Variants in FRZB observed in about 807,000 individuals in gnomAD.
FRZB encodes secreted frizzled-related protein 3.
FRZB carries 34 observed loss-of-function variants against 32.5 expected under a neutral mutation model. The ratio of observed to expected loss-of-function variants is 1.05; its 90% CI spans 0.80 to 1.39. FRZB has a LOEUF of 1.39. Among genes scored for constraint, FRZB ranks in the 40% most tolerant of loss-of-function variants. FRZB has a pLI of 0.00. For missense variants in FRZB, 423 were observed against 424.8 expected (o/e 1.00, Z 0.04); for synonymous variants, 170 against 159.2 (o/e 1.07, Z -0.51).
chr2:182,860,525 G>A (rs149817904), intron 1 of FRZB, among the ~76,000 whole-genome samples: 1 of 152,134 alleles, frequency 6.6e-6, no homozygotes, highest in African/African-American at 2.4e-5. Flanking sequence ...AGACCAAACA[G>A]CATGTGATAC....
At chr2:182,850,056 T>C (rs1431801470) in intron 2 of FRZB, among the ~76,000 whole-genome samples, 1 of 152,250 alleles carries the variant, frequency 6.6e-6, no homozygotes, top group Non-Finnish European at 1.5e-5. Context: ...TTTCATTCCA[T>C]GTCATTGGCA....
intron 3 of FRZB, among the ~76,000 whole-genome samples, chr2:182,840,317 G>A (rs1405348558): frequency 6.6e-6 from 1 of 152,040 alleles, no homozygotes; most frequent in Non-Finnish European, 1.5e-5. Context: ...GTGCTTCATA[G>A]CATCCATCAA....
At chr2:182,851,347 A>G (rs1695708242) in intron 2 of FRZB, among the ~76,000 whole-genome samples, 1 of 152,208 alleles carries the variant, frequency 6.6e-6, no homozygotes, top group Non-Finnish European at 1.5e-5. Flanking sequence ...TACAAAAGAG[A>G]AAGTTTTAAT....
intron 2 of FRZB, among the ~76,000 whole-genome samples, chr2:182,854,854 G>T (rs956814781): frequency 1.3e-5 from 2 of 152,134 alleles, no homozygotes; most frequent in Non-Finnish European, 2.9e-5. Context: ...CCAAAACGGG[G>T]GAATTCCAAG....
At chr2:182,865,153 G>A (rs1184333497) in intron 1 of FRZB, among the ~76,000 whole-genome samples, 1 of 152,010 alleles carries the variant, frequency 6.6e-6, no homozygotes, top group Non-Finnish European at 1.5e-5. Flanking sequence ...GACTGTGGTT[G>A]GTGCACACAC....
At chr2:182,847,593 G>C (rs1219963511) in intron 2 of FRZB, among the ~76,000 whole-genome samples, 3 of 152,184 alleles carry the variant, frequency 2.0e-5, no homozygotes, top group Non-Finnish European at 4.4e-5. Context: ...AGGAAAAGGA[G>C]AGAAAGGTAC....
chr2:182,837,837 A>C (rs942273153), intron 5 of FRZB, 111 bp downstream of exon 5: 10 of 768,200 alleles, frequency 1.3e-5, no homozygotes, highest in Non-Finnish European at 6.5e-6. Flanking sequence ...ACTAAATTTT[A>C]ATATTTCTCA....
chr2:182,846,610 G>A (rs1695643478), intron 2 of FRZB, among the ~76,000 whole-genome samples: 1 of 152,150 alleles, frequency 6.6e-6, no homozygotes, highest in African/African-American at 2.4e-5. Flanking sequence ...CAGATGCACT[G>A]TAAGTCTCAT....
At chr2:182,839,252 C>A (rs899283352) in intron 3 of FRZB, among the ~76,000 whole-genome samples, 3 of 151,966 alleles carry the variant, frequency 2.0e-5, no homozygotes, top group African/African-American at 7.2e-5. Flanking sequence ...CTTTTATATT[C>A]TCCTTTAGGT....
intron 5 of FRZB, 96 bp from the exon 6 acceptor site, chr2:182,835,061 C>A: frequency 1.2e-6 from 1 of 867,664 alleles, no homozygotes; most frequent in South Asian, 1.5e-5. Context: ...AAGTTCAGAT[C>A]TCTGAAGCAT....
chr2:182,836,695 C>T (rs868089348), intron 5 of FRZB, among the ~76,000 whole-genome samples: 1 of 151,948 alleles, frequency 6.6e-6, no homozygotes, highest in Non-Finnish European at 1.5e-5. Context: ...AATTCCAGTT[C>T]TGCATTAGCA....
At chr2:182,853,271 GT>G (rs1259649848) in intron 2 of FRZB, among the ~76,000 whole-genome samples, 1 of 152,226 alleles carries the variant, frequency 6.6e-6, no homozygotes, top group East Asian at 1.9e-4. Flanking sequence ...ATGTTGAACT[GT>G]TTTTTGTATA....
intron 5 of FRZB, among the ~76,000 whole-genome samples, chr2:182,835,400 C>G (rs1695512615): frequency 6.6e-6 from 1 of 151,270 alleles, no homozygotes; most frequent in Non-Finnish European, 1.5e-5. Flanking sequence ...CTTTTAAAGT[C>G]TATGTGATTT....
intron 2 of FRZB, among the ~76,000 whole-genome samples, chr2:182,853,830 T>C (rs1695736096): frequency 6.6e-6 from 1 of 152,158 alleles, no homozygotes; most frequent in Non-Finnish European, 1.5e-5. Context: ...GAAAGTGAAA[T>C]GGAATATATG....
intron 1 of FRZB, among the ~76,000 whole-genome samples, chr2:182,863,405 A>C (rs1338071278): frequency 1.3e-5 from 2 of 152,258 alleles, no homozygotes; most frequent in Non-Finnish European, 2.9e-5. Context: ...GTTCTTTTCA[A>C]AAATATGATT....
At chr2:182,854,338 C>T (rs1695743083) in intron 2 of FRZB, among the ~76,000 whole-genome samples, 1 of 152,140 alleles carries the variant, frequency 6.6e-6, no homozygotes, top group African/African-American at 2.4e-5. Flanking sequence ...GAAAGCAGAT[C>T]TGAAACCTGA....
intron 1 of FRZB, among the ~76,000 whole-genome samples, chr2:182,862,559 GC>G (rs1695844826): frequency 1.3e-5 from 2 of 152,122 alleles, no homozygotes; most frequent in Non-Finnish European, 2.9e-5. Flanking sequence ...CCAGTGTAAA[GC>G]TTTTTTGTTT....
intron 2 of FRZB, among the ~76,000 whole-genome samples, chr2:182,854,514 A>G (rs916513595): frequency 1.1e-4 from 16 of 152,178 alleles, no homozygotes; most frequent in Admixed American, 7.2e-4. Flanking sequence ...AGAGGCAAGC[A>G]TTTTGCAGAC....
In FRZB at chr2:182,838,390, T is replaced by A; in HGVS notation, c.797+19A>T. On this transcript the variant is annotated intron_variant, in intron 4 of 5. Transcript: ENST00000295113. ...GGATAAGCAAAGTAGTTATTCTGTATCCTTAAAGAGTGAATTACCTGGAAC... is the reference window on the plus strand; with the variant it reads ...GGATAAGCAAAGTAGTTATTCTGTAACCTTAAAGAGTGAATTACCTGGAAC... 2 of 1,582,028 alleles carry A rather than the reference T, an allele frequency of 1.3e-6. No homozygotes were observed. Among genetic ancestry groups the A allele is most frequent in the Non-Finnish European group, 1.7e-6 (2 of 1,151,662 alleles).
Sources: gnomAD v4.1 joint callset for allele counts (sites outside exome capture counted in the v4.1 genomes callset) on GRCh38, gnomAD v4.1.1 for gene constraint, MANE v1.5 for transcripts, NCBI Gene and HGNC (gene_info 2026-07-23, HGNC 2026-07-21) for gene names.